Variants in FBXL7 observed in about 807,000 individuals in gnomAD.
FBXL7 encodes F-box and leucine rich repeat protein 7.
Under a neutral mutation model 38.3 loss-of-function variants are expected in FBXL7, and 12 were observed. That is an observed-to-expected ratio of 0.31 (90% CI 0.20 to 0.51). The LOEUF is 0.51. Among genes scored for constraint, FBXL7 ranks in the 20% least tolerant of loss-of-function variants. FBXL7 has a pLI of 0.98. For synonymous variants in FBXL7, 297 were observed against 300.9 expected, an observed-to-expected ratio of 0.99 and a Z score of 0.13; for missense variants, 567 against 676.4, an observed-to-expected ratio of 0.84 and a Z score of 1.79.
intron 2 of FBXL7, among the ~76,000 whole-genome samples, chr5:15,895,511 G>C (rs1057088654): frequency 6.6e-6 from 1 of 151,386 alleles, no homozygotes. Flanking sequence ...CTATAAGCTA[G>C]ATATATTGCA....
chr5:15,647,453 G>C (rs187728420), intron 2 of FBXL7, among the ~76,000 whole-genome samples: 88 of 152,302 alleles, frequency 5.8e-4, no homozygotes, highest in Non-Finnish European at 6.5e-4. Context: ...GTCTCAAATA[G>C]TAGAAATCCA....
intron 1 of FBXL7, among the ~76,000 whole-genome samples, chr5:15,505,751 T>C (rs1344708542): frequency 6.6e-6 from 1 of 152,170 alleles, no homozygotes; most frequent in Non-Finnish European, 1.5e-5. Context: ...CTGAAGGACA[T>C]GATGGGCTGA....
At chr5:15,795,121 T>C (rs908629767) in intron 2 of FBXL7, among the ~76,000 whole-genome samples, 5 of 152,198 alleles carry the variant, frequency 3.3e-5, no homozygotes, top group Non-Finnish European at 5.9e-5. Context: ...ATGTCCAGTC[T>C]GGTTTCTGTT....
At chr5:15,833,157 G>T (rs1008341158) in intron 2 of FBXL7, among the ~76,000 whole-genome samples, 1 of 152,126 alleles carries the variant, frequency 6.6e-6, no homozygotes, top group African/African-American at 2.4e-5. Context: ...TTTATCAGCA[G>T]AATGAAAGCG....
At chr5:15,890,901 A>G (rs1740874091) in intron 2 of FBXL7, among the ~76,000 whole-genome samples, 1 of 152,232 alleles carries the variant, frequency 6.6e-6, no homozygotes, top group Non-Finnish European at 1.5e-5. Flanking sequence ...GGTGATATTT[A>G]GGATAAAATA....
At chr5:15,702,795 T>G (rs1743569207) in intron 2 of FBXL7, among the ~76,000 whole-genome samples, 1 of 152,182 alleles carries the variant, frequency 6.6e-6, no homozygotes, top group African/African-American at 2.4e-5. Context: ...AATAAAGCTT[T>G]TAATCACCTG....
intron 2 of FBXL7, among the ~76,000 whole-genome samples, chr5:15,662,879 A>T (rs12652710): frequency 0.093 from 14,138 of 152,178 alleles, 755 homozygotes; most frequent in South Asian, 0.13. Flanking sequence ...TTGCACCAGT[A>T]CCATGCTGTT....
chr5:15,671,319 G>A (rs1399107039), intron 2 of FBXL7, among the ~76,000 whole-genome samples: 1 of 152,054 alleles, frequency 6.6e-6, no homozygotes, highest in Non-Finnish European at 1.5e-5. Context: ...AGTATAAATC[G>A]ATTTCACTTG....
intron 1 of FBXL7, among the ~76,000 whole-genome samples, chr5:15,535,684 A>G (rs1737564518): frequency 6.6e-6 from 1 of 152,228 alleles, no homozygotes; most frequent in African/African-American, 2.4e-5. Context: ...TAGTATGCTC[A>G]TATGTGTTCA....
chr5:15,626,590 C>T (rs912327644), intron 2 of FBXL7, among the ~76,000 whole-genome samples: 8 of 133,882 alleles, frequency 6.0e-5, no homozygotes, highest in Non-Finnish European at 8.3e-5. Flanking sequence ...ACACCATGCA[C>T]TTAAGGAAAT....
At chr5:15,648,661 C>T (rs1174488582) in intron 2 of FBXL7, among the ~76,000 whole-genome samples, 1 of 152,192 alleles carries the variant, frequency 6.6e-6, no homozygotes, top group Non-Finnish European at 1.5e-5. Context: ...TACCAGCTTC[C>T]CATGTGTTTG....
rs552289444 is a variant in FBXL7 at position 15,559,007 on chromosome 5, C to T, written c.38-56976C>T. Among the ~76,000 whole-genome samples, 7 of 152,230 alleles carry T rather than the reference C, an allele frequency of 4.6e-5. No individual in the cohort carries two copies. In the South Asian group the frequency reaches 6.2e-4, roughly 14 times the overall value. On this transcript the variant is annotated intron_variant, in intron 1 of 3. Transcript: ENST00000504595. The stretch of plus-strand genomic sequence containing the variant: ...ATTAATACAAGTAATGTACCAAAGA[C>T]GGTGCCTGGCAGAGAGTAAGTACAC...
chr5:15,929,849 C>G (rs1741993035), intron 3 of FBXL7, among the ~76,000 whole-genome samples: 1 of 152,044 alleles, frequency 6.6e-6, no homozygotes, highest in South Asian at 2.1e-4. Context: ...TTAAAACCAA[C>G]AGCACGACCA....
chr5:15,819,052 A>G (rs932223768), intron 2 of FBXL7, among the ~76,000 whole-genome samples: 12 of 152,194 alleles, frequency 7.9e-5, no homozygotes, highest in South Asian at 4.1e-4. Flanking sequence ...CCAATTAGCT[A>G]AGGAAAGGAG....
intron 2 of FBXL7, among the ~76,000 whole-genome samples, chr5:15,716,017 A>G (rs904883924): frequency 2.0e-5 from 3 of 152,256 alleles, no homozygotes; most frequent in African/African-American, 7.2e-5. Flanking sequence ...TGGTCCAGAG[A>G]AAACCCTACT....
intron 1 of FBXL7, among the ~76,000 whole-genome samples, chr5:15,557,591 A>G (rs10073853): frequency 0.017 from 2,625 of 152,348 alleles, 63 homozygotes; most frequent in African/African-American, 0.059. Context: ...TAGCTGCTCC[A>G]TTAGTGCTTT....
At chr5:15,756,716 C>G (rs1225546031) in intron 2 of FBXL7, among the ~76,000 whole-genome samples, 1 of 152,172 alleles carries the variant, frequency 6.6e-6, no homozygotes. Flanking sequence ...TTTTTAATGA[C>G]TAGCCAACAG....
chr5:15,679,279 G>A (rs1720036852), intron 2 of FBXL7, among the ~76,000 whole-genome samples: 1 of 152,162 alleles, frequency 6.6e-6, no homozygotes, highest in African/African-American at 2.4e-5. Context: ...CAAGACCAAA[G>A]AAAAACCTCA....
At chr5:15,672,201 A>G (rs1282036987) in intron 2 of FBXL7, among the ~76,000 whole-genome samples, 1 of 152,222 alleles carries the variant, frequency 6.6e-6, no homozygotes, top group Non-Finnish European at 1.5e-5. Context: ...GTTTGACCAT[A>G]TAAGAATACA....
Sources: gnomAD v4.1 joint callset for allele counts (sites outside exome capture counted in the v4.1 genomes callset) on GRCh38, gnomAD v4.1.1 for gene constraint, MANE v1.5 for transcripts, NCBI Gene and HGNC (gene_info 2026-07-23, HGNC 2026-07-21) for gene names.